The following HS2ST1 variants were observed in gnomAD, a reference collection of about 807,000 sequenced individuals.
HS2ST1 encodes the protein heparan sulfate 2-O-sulfotransferase 1.
HS2ST1 carries 18 observed loss-of-function variants against 42.9 expected under a neutral mutation model. The ratio of observed to expected loss-of-function variants is 0.42; its 90% confidence interval spans 0.29 to 0.62. HS2ST1 has a LOEUF of 0.62. Among genes scored for constraint, HS2ST1 ranks in the 20% least tolerant of loss-of-function variants. HS2ST1 has a pLI of 0.21. For synonymous variants in HS2ST1, 146 were observed against 152.9 expected, an observed-to-expected ratio of 0.95 and a Z score of 0.33; for missense variants, 334 against 433.8, an observed-to-expected ratio of 0.77 and a Z score of 2.04.
chr1:87,086,390 CGTGTT>C (rs1651816109), intron 3 of HS2ST1, among the ~76,000 whole-genome samples: 2 of 152,100 alleles, frequency 1.3e-5, no homozygotes, highest in South Asian at 4.1e-4. Flanking sequence ...AGTTCAGACT[CGTGTT>C]GTTCAAGGGT....
intron 1 of HS2ST1, among the ~76,000 whole-genome samples, chr1:87,068,225 G>A (rs1651303591): frequency 6.6e-6 from 1 of 151,996 alleles, no homozygotes; most frequent in Non-Finnish European, 1.5e-5. Context: ...ATTTATTTGT[G>A]TCCTCTCTTA....
At chr1:86,934,684 T>C (rs987322527) in intron 1 of HS2ST1, 1 of 152,398 alleles carries the variant, frequency 6.6e-6, no homozygotes, top group African/African-American at 2.4e-5. Flanking sequence ...TCCCAGCACT[T>C]TGGGAGGCCG....
chr1:87,030,138 T>G (rs1317664998), intron 1 of HS2ST1, among the ~76,000 whole-genome samples: 1 of 152,196 alleles, frequency 6.6e-6, no homozygotes, highest in Non-Finnish European at 1.5e-5. Flanking sequence ...AACACATTCT[T>G]GTTACTGACC....
chr1:87,047,031 T>C (rs866417472), intron 1 of HS2ST1, among the ~76,000 whole-genome samples: 19 of 152,056 alleles, frequency 1.2e-4, no homozygotes, highest in Admixed American at 7.2e-4. Flanking sequence ...TTTTAAGAAA[T>C]TGTCCAACTG....
chr1:87,043,286 G>T (rs979909417), intron 1 of HS2ST1, among the ~76,000 whole-genome samples: 3 of 151,712 alleles, frequency 2.0e-5, no homozygotes, highest in Non-Finnish European at 4.4e-5. Flanking sequence ...GATTATTCTG[G>T]GTAAAAAATA....
intron 2 of HS2ST1, among the ~76,000 whole-genome samples, chr1:87,074,807 A>G (rs1651497350): frequency 6.6e-6 from 1 of 152,212 alleles, no homozygotes; most frequent in African/African-American, 2.4e-5. Flanking sequence ...AGTCTTAATC[A>G]TTAGCTGACA....
intron 3 of HS2ST1, among the ~76,000 whole-genome samples, chr1:87,090,556 G>A (rs1297224131): frequency 6.6e-6 from 1 of 151,994 alleles, no homozygotes; most frequent in Non-Finnish European, 1.5e-5. Flanking sequence ...AGAACTGTAT[G>A]CTAGAGTCAT....
At chr1:87,042,235 A>T (rs1430347041) in intron 1 of HS2ST1, among the ~76,000 whole-genome samples, 2 of 152,116 alleles carry the variant, frequency 1.3e-5, no homozygotes, top group African/African-American at 4.8e-5. Context: ...ACCCCTTATC[A>T]GATATGTGGT....
At chr1:86,935,455 C>CTTTTTTTTTTTT (rs552713297) in intron 1 of HS2ST1, among the ~76,000 whole-genome samples, 2 of 62,062 alleles carry the variant, frequency 3.2e-5, no homozygotes, top group African/African-American at 7.5e-5. Flanking sequence ...TCTTTTTCTC[C>CTTTTTTTTTTTT]TTTTTTTTTT....
chr1:86,985,495 T>C (rs78974412), intron 1 of HS2ST1, among the ~76,000 whole-genome samples: 17,181 of 75,578 alleles, frequency 0.23, 2,182 homozygotes, highest in South Asian at 0.25. Context: ...CACATATATA[T>C]ACACATATAT....
chr1:87,101,385 C>T (rs1240652166), intron 5 of HS2ST1, among the ~76,000 whole-genome samples: 3 of 151,682 alleles, frequency 2.0e-5, no homozygotes, highest in Non-Finnish European at 4.4e-5. Flanking sequence ...AGGCTGGTCT[C>T]GAACTCCAGA....
At chr1:87,087,682 A>C (rs191957841) in intron 3 of HS2ST1, among the ~76,000 whole-genome samples, 1 of 152,278 alleles carries the variant, frequency 6.6e-6, no homozygotes, top group Non-Finnish European at 1.5e-5. Context: ...TCTCTGCTAA[A>C]CCAGTTGACG....
At chr1:86,947,343 A>G (rs1204020197) in intron 1 of HS2ST1, among the ~76,000 whole-genome samples, 1 of 152,230 alleles carries the variant, frequency 6.6e-6, no homozygotes, top group Non-Finnish European at 1.5e-5. Flanking sequence ...TTTATTCTCA[A>G]TGTAAATGAA....
At position 87,107,139 on chromosome 1, in the gene HS2ST1, C is replaced by G. The variant is rs1043026440; in HGVS notation, c.*2443C>G. On this transcript the variant is annotated 3_prime_UTR_variant, in exon 7 of 7. Coordinates refer to ENST00000370550, the MANE Select transcript of HS2ST1 (RefSeq NM_012262.4). ...CAACCAACCATTGCACTGGCCAAAT[C>G]ATTATTTATGGAGAAATCCTCTTTG... 4 of 152,154 alleles carry G rather than the reference C, an allele frequency of 2.6e-5. No individual in the cohort carries two copies. Among genetic ancestry groups the G allele is most frequent in the Admixed American group, 1.3e-4 (2 of 15,256 alleles). The allele number at this position is 152,154 out of a possible 1,614,324, so 9.4% of individuals were successfully genotyped here. A position where few individuals can be genotyped will look rare whatever the true frequency, so the allele number is the denominator to read the frequency against.
At chr1:87,071,141 C>G (rs1318939956) in intron 1 of HS2ST1, among the ~76,000 whole-genome samples, 1 of 152,214 alleles carries the variant, frequency 6.6e-6, no homozygotes, top group Non-Finnish European at 1.5e-5. Flanking sequence ...GGAAGGCCCA[C>G]TGCTAGTAAG....
chr1:86,918,704 A>T (rs1660222130), intron 1 of HS2ST1, among the ~76,000 whole-genome samples: 1 of 151,968 alleles, frequency 6.6e-6, no homozygotes, highest in Non-Finnish European at 1.5e-5. Context: ...TTTTCAAAAG[A>T]TGTAGTAATC....
intron 1 of HS2ST1, among the ~76,000 whole-genome samples, chr1:86,963,165 AT>A (rs796906264): frequency 0.036 from 5,156 of 143,764 alleles, 160 homozygotes; most frequent in African/African-American, 0.084. Flanking sequence ...TTTTTTTTGT[AT>A]TTTTTTTTTT....
intron 1 of HS2ST1, among the ~76,000 whole-genome samples, chr1:86,995,827 A>G (rs1275992257): frequency 6.6e-6 from 1 of 152,178 alleles, no homozygotes; most frequent in Non-Finnish European, 1.5e-5. Context: ...AGTAAGTGCT[A>G]TGCCAGAAAT....
chr1:86,916,809 G>T (rs939789898), intron 1 of HS2ST1, among the ~76,000 whole-genome samples: 8 of 152,160 alleles, frequency 5.3e-5, no homozygotes, highest in Non-Finnish European at 8.8e-5. Flanking sequence ...ATTAAAATTT[G>T]TACTTATTTT....
Sources: allele counts gnomAD v4.1 joint callset (sites outside exome capture counted in the v4.1 genomes callset), GRCh38; gene constraint gnomAD v4.1.1; transcripts MANE v1.5; gene names NCBI Gene and HGNC (gene_info 2026-07-23, HGNC 2026-07-21).